GNB4: variants seen among roughly 807,000 people sequenced by gnomAD.
The protein encoded by GNB4 is G protein subunit beta 4.
Under a neutral mutation model 45.2 loss-of-function variants are expected in GNB4, and 28 were observed. The observed-to-expected ratio is 0.62, with a 90% CI of 0.46 to 0.85. GNB4 has a LOEUF of 0.85. Ranked by LOEUF, GNB4 falls within the 40% of genes least tolerant of loss-of-function variation. The pLI, the probability that GNB4 is intolerant of heterozygous loss-of-function variation, is 0.00. For missense variants in GNB4, 321 were observed against 425.4 expected (o/e 0.75, Z 2.16); for synonymous variants, 132 against 143.7 (o/e 0.92, Z 0.58).
the GNB4 span, among the ~76,000 whole-genome samples, chr3:179,492,467 G>A: frequency 3.3e-3 from 495 of 152,082 alleles, 2 homozygotes; most frequent in African/African-American, 0.011. Flanking sequence ...CTGCTGTGCC[G>A]TTTCCCCAGG....
At chr3:179,430,214 T>C (rs199909916) in intron 1 of GNB4, among the ~76,000 whole-genome samples, 1 of 151,908 alleles carries the variant, frequency 6.6e-6, no homozygotes, top group East Asian at 1.9e-4. Flanking sequence ...GCCTCCCAAG[T>C]AGCTGAGCCC....
intron 1 of GNB4, among the ~76,000 whole-genome samples, chr3:179,436,013 A>G (rs937265310): frequency 1.3e-5 from 2 of 152,220 alleles, no homozygotes; most frequent in African/African-American, 4.8e-5. Flanking sequence ...AAGACAAAAA[A>G]ATACAAGTAT....
chr3:179,412,819 G>T (rs1164154988), intron 8 of GNB4, among the ~76,000 whole-genome samples: 2 of 150,698 alleles, frequency 1.3e-5, no homozygotes, highest in African/African-American at 4.9e-5. Flanking sequence ...TCCACGATCT[G>T]CTTGTTTACT....
At chr3:179,523,835 G>A in the GNB4 span, among the ~76,000 whole-genome samples, 3 of 152,098 alleles carry the variant, frequency 2.0e-5, no homozygotes, top group South Asian at 2.1e-4. Context: ...GGAAAAGGGC[G>A]GCAATGAGGT....
At chr3:179,401,564 T>C (rs1714303791) in intron 9 of GNB4, among the ~76,000 whole-genome samples, 1 of 152,232 alleles carries the variant, frequency 6.6e-6, no homozygotes, top group Non-Finnish European at 1.5e-5. Context: ...CAATTTGTGG[T>C]TTTAATTTTT....
intron 8 of GNB4, among the ~76,000 whole-genome samples, chr3:179,409,523 A>ACAAAAAC (rs112832798): frequency 2.0e-5 from 3 of 146,892 alleles, no homozygotes; most frequent in Non-Finnish European, 4.5e-5. Flanking sequence ...AAAAACAAAA[A>ACAAAAAC]AAAAAAGGCC....
At chr3:179,508,928 A>G in the GNB4 span, among the ~76,000 whole-genome samples, 1 of 102,288 alleles carries the variant, frequency 9.8e-6, no homozygotes, top group Non-Finnish European at 1.9e-5. Flanking sequence ...CTCTTTCAGC[A>G]TGTGTATATA....
the GNB4 span, among the ~76,000 whole-genome samples, chr3:179,503,727 C>T: frequency 3.3e-5 from 5 of 152,192 alleles, no homozygotes; most frequent in Non-Finnish European, 5.9e-5. Flanking sequence ...CAAACATAGG[C>T]TTCAGCCTTC....
intron 1 of GNB4, among the ~76,000 whole-genome samples, chr3:179,434,538 T>A (rs1231450748): frequency 6.6e-6 from 1 of 151,864 alleles, no homozygotes; most frequent in East Asian, 1.9e-4. Flanking sequence ...CTGGCCAATG[T>A]GGGGAAACCC....
intron 8 of GNB4, chr3:179,406,064 G>A (rs771604120): frequency 2.0e-5 from 3 of 152,110 alleles, no homozygotes; most frequent in Non-Finnish European, 2.9e-5. Flanking sequence ...GAATTTCAAT[G>A]TTATAGCATC....
At chr3:179,449,659 T>C (rs982173412) in intron 1 of GNB4, among the ~76,000 whole-genome samples, 4 of 152,016 alleles carry the variant, frequency 2.6e-5, no homozygotes, top group Non-Finnish European at 5.9e-5. Flanking sequence ...CTGTGAGATA[T>C]AAGTAGAATA....
chr3:179,426,468 A>C (rs928057125), intron 1 of GNB4, among the ~76,000 whole-genome samples: 18 of 152,354 alleles, frequency 1.2e-4, no homozygotes, highest in Admixed American at 5.9e-4. Flanking sequence ...TCCAAGTTGT[A>C]GTATTCAAGG....
chr3:179,520,010 C>A, the GNB4 span, among the ~76,000 whole-genome samples: 1 of 152,194 alleles, frequency 6.6e-6, no homozygotes, highest in Non-Finnish European at 1.5e-5. Flanking sequence ...CCTTATCAAC[C>A]AAATTGTTTT....
chr3:179,517,907 C>T, the GNB4 span, among the ~76,000 whole-genome samples: 40 of 152,260 alleles, frequency 2.6e-4, no homozygotes, highest in African/African-American at 7.2e-4. Context: ...CATGTGGGGA[C>T]GCCTGCCTTG....
At chr3:179,451,915 T>A (rs891416500), upstream of GNB4, among the ~76,000 whole-genome samples, 3 of 152,120 alleles carry the variant, frequency 2.0e-5, no homozygotes, top group Admixed American at 6.5e-5. Context: ...GAAAGTAAAC[T>A]GAAGCCCAGA....
At position 179,401,126 on chromosome 3, in the gene GNB4, A is replaced by AATAT; in HGVS notation, c.*83_*86dup. ...TCTAATAGAAAAATCTTCACCTGCA[A>AATAT]ATATAAGGTAGAATTTTTTCACAGC... On this transcript the variant is annotated 3_prime_UTR_variant, in exon 10 of 10. Transcript: ENST00000232564. 1 of 756,022 alleles carries AATAT rather than the reference A, an allele frequency of 1.3e-6. No homozygotes were observed. The highest frequency in any genetic ancestry group is 1.9e-6 in the Non-Finnish European group (1 of 513,882). 46.8% of individuals were successfully genotyped at this position (756,022 alleles called of 1,614,324 possible). A position where few individuals can be genotyped will look rare whatever the true frequency, so the allele number is the denominator to read the frequency against.
chr3:179,478,507 G>GTTGT, the GNB4 span, among the ~76,000 whole-genome samples: 1,340 of 152,062 alleles, frequency 8.8e-3, 30 homozygotes, highest in African/African-American at 0.031. Context: ...TTTTGCTGTT[G>GTTGT]TTGTTTGTTT....
chr3:179,475,088 C>G, the GNB4 span, among the ~76,000 whole-genome samples: 1 of 151,930 alleles, frequency 6.6e-6, no homozygotes, highest in Non-Finnish European at 1.5e-5. Flanking sequence ...ACAGAGAGGG[C>G]CAAACTCGCT....
chr3:179,495,792 G>A, the GNB4 span, among the ~76,000 whole-genome samples: 12 of 152,154 alleles, frequency 7.9e-5, no homozygotes, highest in African/African-American at 2.9e-4. Context: ...TGCAGGCCAG[G>A]AGAGTGGAAT....
Sources: allele counts gnomAD v4.1 joint callset (sites outside exome capture counted in the v4.1 genomes callset), GRCh38; gene constraint gnomAD v4.1.1; transcripts MANE v1.5; gene names NCBI Gene and HGNC (gene_info 2026-07-23, HGNC 2026-07-21).